The following SNPH variants were observed in gnomAD, a reference collection of about 807,000 sequenced individuals.
SNPH encodes the protein syntaphilin.
A neutral mutation model predicts 36.8 loss-of-function variants in SNPH; 10 were observed. The ratio of observed to expected loss-of-function variants is 0.27; its 90% confidence interval spans 0.17 to 0.46. The LOEUF is 0.46. Ranked by LOEUF, SNPH falls within the 20% of genes least tolerant of loss-of-function variation. SNPH has a pLI of 1.00. For missense variants in SNPH, 622 were observed against 744.0 expected (o/e 0.84, Z 1.91); for synonymous variants, 281 against 312.2 (o/e 0.90, Z 1.05).
chr20:1,278,080 GTC>G (rs1249708858), intron 2 of SNPH, among the ~76,000 whole-genome samples: 1 of 131,426 alleles, frequency 7.6e-6, no homozygotes, highest in Non-Finnish European at 1.6e-5. Flanking sequence ...ATCTGTGTGT[GTC>G]TCTGTGTGTG....
At chr20:1,290,148 G>T (rs1010048405) in intron 2 of SNPH, among the ~76,000 whole-genome samples, 1 of 151,558 alleles carries the variant, frequency 6.6e-6, no homozygotes, top group Non-Finnish European at 1.5e-5. Context: ...GGAGGCGGAG[G>T]TTGCAGTGAG....
chr20:1,278,855 T>A (rs2088183500), intron 2 of SNPH, among the ~76,000 whole-genome samples: 1 of 152,200 alleles, frequency 6.6e-6, no homozygotes, highest in African/African-American at 2.4e-5. Flanking sequence ...AGCTAATTTT[T>A]TCTAGTTTTA....
rs1243618279 is a variant in SNPH, at chr20:1,300,582, T to G, written c.311T>G (p.Leu104Arg). Residue 104 changes from leucine to arginine, a missense_variant, in exon 6 of 7, where the codon CTG (leucine) becomes CGG (arginine). Leu to Arg is a moderately radical substitution (Grantham distance 102, BLOSUM62 -2). Around this residue, in one of 3 missense-constraint regions of SNPH, gnomAD observed 187 missense variants for 209.4 expected, o/e 0.89. Transcript: ENST00000381867. The stretch of plus-strand genomic sequence containing the variant: ...TGCAGGCGCTCCATGAAATACACGC[T>G]GTGCAGTGACAACCATGGCATCAAG... The part of the protein sequence containing the change: ...PTPRRSMKYT[L>R]CSDNHGIKPP... 1.3e-5 allele frequency: 21 copies of G among 1,613,834 alleles called. No homozygotes were observed. The highest frequency in any genetic ancestry group is 1.8e-5 in the Non-Finnish European group (21 of 1,180,004).
intron 5 of SNPH, 21 bp from the exon 6 acceptor site, chr20:1,300,541 A>T: frequency 6.2e-7 from 1 of 1,613,588 alleles, no homozygotes; most frequent in Non-Finnish European, 8.5e-7. Context: ...TCCCTCCCTG[A>T]TGATGGGCGT....
rs745602130 is a variant in SNPH at position 1,297,146 on chromosome 20, C to G, written c.184C>G (p.Arg62Gly). ...SRRTSAGSRR[R>G]TSPPVSVRDA... ...CCTGCCTCTTCTTCCTGCCTCCAGG[C>G]GCACCTCTCCACCTGTGAGCGTGCG... The change falls in exon 5 of 7, where the codon CGC becomes GGC. Residue 62 changes from arginine to glycine, a missense_variant and splice_region_variant. By Grantham distance (125) the Arg-to-Gly change is moderately radical. This residue lies in a region of SNPH where 187 missense variants were observed against 209.4 expected (regional missense o/e 0.89). Transcript: ENST00000381867. 2 of 1,611,434 alleles carry G rather than the reference C, an allele frequency of 1.2e-6. No homozygotes were observed. Among genetic ancestry groups the G allele is most frequent in the Non-Finnish European group, 1.7e-6 (2 of 1,178,634 alleles).
intron 2 of SNPH, among the ~76,000 whole-genome samples, chr20:1,283,224 G>A (rs1036103984): frequency 2.0e-5 from 3 of 152,148 alleles, no homozygotes; most frequent in African/African-American, 7.2e-5. Context: ...ACATTGCAAG[G>A]CTGCATTCTC....
intron 2 of SNPH, among the ~76,000 whole-genome samples, chr20:1,269,348 C>CA (rs2088045983): frequency 6.6e-6 from 1 of 152,120 alleles, no homozygotes; most frequent in African/African-American, 2.4e-5. Context: ...TTATGAAGTC[C>CA]CAGACCATTA....
chr20:1,281,607 G>A (rs1476296875), intron 2 of SNPH, among the ~76,000 whole-genome samples: 1 of 152,170 alleles, frequency 6.6e-6, no homozygotes, highest in Non-Finnish European at 1.5e-5. Context: ...TGCACAGAAT[G>A]TGGAATGCTC....
intron 3 of SNPH, among the ~76,000 whole-genome samples, chr20:1,295,483 C>A (rs1327980942): frequency 6.6e-6 from 1 of 152,202 alleles, no homozygotes; most frequent in Non-Finnish European, 1.5e-5. Flanking sequence ...GGCCTCTGCT[C>A]CCACCCACCC....
intron 2 of SNPH, among the ~76,000 whole-genome samples, chr20:1,283,406 C>T (rs1197875847): frequency 6.6e-6 from 1 of 152,172 alleles, no homozygotes; most frequent in Non-Finnish European, 1.5e-5. Flanking sequence ...ACTCCAAGCT[C>T]CAATGCCGTG....
chr20:1,297,074 G>T (rs1186465055), intron 4 of SNPH, 71 bp from the exon 5 acceptor site: 1 of 1,526,696 alleles, frequency 6.6e-7, no homozygotes, highest in East Asian at 2.4e-5. Context: ...CAGCGGCCTG[G>T]CAGTGTTCGC....
chr20:1,278,357 C>G (rs2088177945), intron 2 of SNPH, among the ~76,000 whole-genome samples: 2 of 152,282 alleles, frequency 1.3e-5, no homozygotes, highest in African/African-American at 2.4e-5. Flanking sequence ...TCCACTCTTT[C>G]CCATCCTCCT....
chr20:1,279,430 T>C (rs369006255), intron 2 of SNPH, among the ~76,000 whole-genome samples: 9 of 152,230 alleles, frequency 5.9e-5, no homozygotes, highest in African/African-American at 1.9e-4. Flanking sequence ...GGCCTTCTTA[T>C]TGAGTTGTAT....
At position 1,305,896 on chromosome 20, in the gene SNPH, C is replaced by T; in HGVS notation, c.1459C>T (p.Leu487Phe). The part of the protein sequence containing the change: ...VVPAVPTVAW[L>F]CRSQRRQGQP... ...GCCGGCCGTGCCCACGGTGGCCTGG[C>T]TTTGCCGCTCCCAGCGGCGCCAGGG... Residue 487 changes from leucine (L) to phenylalanine (F), a missense_variant, in exon 7 of 7, where the codon CTT becomes TTT. Leu to Phe is a conservative substitution (Grantham distance 22). Transcript: ENST00000381867. 1 of 1,598,544 alleles carries T rather than the reference C, an allele frequency of 6.3e-7. No homozygotes were observed. The highest frequency in any genetic ancestry group is 8.5e-7 in the Non-Finnish European group (1 of 1,172,998).
intron 5 of SNPH, among the ~76,000 whole-genome samples, chr20:1,297,594 T>C (rs2088454761): frequency 6.6e-6 from 1 of 152,196 alleles, no homozygotes; most frequent in South Asian, 2.1e-4. Context: ...AGCTTTTGTC[T>C]TTGTCATCAC....
At chr20:1,301,398 C>T (rs1014220793) in intron 6 of SNPH, among the ~76,000 whole-genome samples, 1 of 152,156 alleles carries the variant, frequency 6.6e-6, no homozygotes, top group African/African-American at 2.4e-5. Flanking sequence ...CTATCCTTCT[C>T]GGGACTGTGT....
chr20:1,300,442 G>GT (rs1655621149), intron 5 of SNPH, 120 bp from the exon 6 acceptor site: 1 of 1,083,278 alleles, frequency 9.2e-7, no homozygotes, highest in Non-Finnish European at 1.4e-6. Flanking sequence ...GGGAGGCCTG[G>GT]CTTGGAGCAT....
At chr20:1,281,447 A>G (rs1043311169) in intron 2 of SNPH, among the ~76,000 whole-genome samples, 3 of 152,108 alleles carry the variant, frequency 2.0e-5, no homozygotes, top group Non-Finnish European at 4.4e-5. Flanking sequence ...TTTGATCAGA[A>G]CTTTTTTCTG....
At chr20:1,273,668 G>A (rs2088097815) in intron 2 of SNPH, among the ~76,000 whole-genome samples, 3 of 152,144 alleles carry the variant, frequency 2.0e-5, no homozygotes. Flanking sequence ...GATGGGAACT[G>A]AACTGAATCT....
Sources: allele counts gnomAD v4.1 joint callset (sites outside exome capture counted in the v4.1 genomes callset), GRCh38; gene constraint gnomAD v4.1.1; regional missense constraint gnomAD v4.1.1; transcripts MANE v1.5; gene names NCBI Gene and HGNC (gene_info 2026-07-23, HGNC 2026-07-21).